Variants in GPC5 observed in about 807,000 individuals in gnomAD.
The protein encoded by GPC5 is glypican-5.
Under a neutral mutation model 53.9 loss-of-function variants are expected in GPC5, and 47 were observed. The ratio of observed to expected loss-of-function variants is 0.87; its 90% CI spans 0.69 to 1.11. The LOEUF (loss-of-function observed/expected upper bound fraction) is 1.11. Among genes scored for constraint, GPC5 ranks in the 50% most tolerant of loss-of-function variants. The pLI, the probability that GPC5 is intolerant of heterozygous loss-of-function variation, is 0.00. For synonymous variants in GPC5, 286 were observed against 263.3 expected, an observed-to-expected ratio of 1.09 and a Z score of -0.84; for missense variants, 748 against 713.1, an observed-to-expected ratio of 1.05 and a Z score of -0.56.
chr13:92,342,916 A>T (rs762184347), intron 7 of GPC5, among the ~76,000 whole-genome samples: 13 of 152,164 alleles, frequency 8.5e-5, no homozygotes, highest in Non-Finnish European at 1.6e-4. Flanking sequence ...ATACTTATGT[A>T]CAAATATCTC....
At chr13:92,564,219 C>T (rs1882794537) in intron 7 of GPC5, among the ~76,000 whole-genome samples, 2 of 151,954 alleles carry the variant, frequency 1.3e-5, no homozygotes, top group Admixed American at 6.6e-5. Context: ...GTAATAATTT[C>T]CATTTCTGCA....
Position 91,475,649 on chromosome 13 carries a change from G to A in GPC5, c.325+26727G>A, listed in dbSNP as rs1882883399. 2.0e-5 allele frequency among the ~76,000 whole-genome samples: 3 copies of A among 152,160 alleles called. No individual in the cohort carries two copies. The South Asian group carries it at 6.2e-4, about 32-fold the overall frequency. On this transcript the variant is annotated intron_variant, in intron 2 of 7. Coordinates refer to ENST00000377067, the MANE Select transcript of GPC5 (RefSeq NM_004466.6). ...TCCAGGGCCTGGCTGGTGGGGATGT[G>A]TGTAGAACTCTTCCTGGTGTATCCA...
chr13:91,913,717 G>A (rs927127477), intron 6 of GPC5, among the ~76,000 whole-genome samples: 2 of 152,120 alleles, frequency 1.3e-5, no homozygotes, highest in African/African-American at 4.8e-5. Context: ...CTGTGACTCT[G>A]ACATCTTTCT....
chr13:91,874,350 GT>G (rs2039179830), intron 5 of GPC5, among the ~76,000 whole-genome samples: 1 of 151,680 alleles, frequency 6.6e-6, no homozygotes, highest in East Asian at 1.9e-4. Flanking sequence ...TTTTAATCTT[GT>G]TTTTATCACC....
At chr13:92,611,422 T>C (rs1566318955) in intron 7 of GPC5, among the ~76,000 whole-genome samples, 1 of 152,164 alleles carries the variant, frequency 6.6e-6, no homozygotes, top group Non-Finnish European at 1.5e-5. Context: ...ATATCTTTAC[T>C]ATCACCATGT....
At chr13:91,557,011 G>A (rs559833528) in intron 2 of GPC5, among the ~76,000 whole-genome samples, 13 of 151,994 alleles carry the variant, frequency 8.6e-5, no homozygotes, top group African/African-American at 1.4e-4. Flanking sequence ...TGCTATGATC[G>A]TTTGTTTACA....
rs563752427 is a variant in GPC5, at chr13:92,368,319, C to CTA, written c.1561+223333_1561+223334dup. ...TTTACTATCACCAGTAAACTGGAGG[C>CTA]TATACTCCTAGCCTCAGAAATACAA... On this transcript the variant is annotated intron_variant, in intron 7 of 7. Coordinates refer to ENST00000377067, the MANE Select transcript of GPC5 (RefSeq NM_004466.6). Among the ~76,000 whole-genome samples the CTA allele has an allele frequency of 2.3e-3, 348 of 151,208 alleles. 2 individuals carry two copies. Among genetic ancestry groups the CTA allele is most frequent in the Middle Eastern group, 6.8e-3 (2 of 292 alleles).
At chr13:91,519,521 T>C (rs928123943) in intron 2 of GPC5, among the ~76,000 whole-genome samples, 7 of 152,274 alleles carry the variant, frequency 4.6e-5, no homozygotes, top group African/African-American at 1.4e-4. Flanking sequence ...ACTCCCCACT[T>C]CGCTCTCTGT....
At chr13:92,148,583 G>A (rs963290613) in intron 7 of GPC5, among the ~76,000 whole-genome samples, 1 of 152,022 alleles carries the variant, frequency 6.6e-6, no homozygotes. Flanking sequence ...ATCCCATTAG[G>A]AAAATTTGTC....
At chr13:92,452,952 G>A (rs1566596927) in intron 7 of GPC5, among the ~76,000 whole-genome samples, 1 of 152,152 alleles carries the variant, frequency 6.6e-6, no homozygotes, top group Non-Finnish European at 1.5e-5. Context: ...GGGACAGAAA[G>A]GGCTGGATTT....
At chr13:91,914,718 G>A (rs914192259) in intron 6 of GPC5, among the ~76,000 whole-genome samples, 7 of 71,424 alleles carry the variant, frequency 9.8e-5, no homozygotes, top group Non-Finnish European at 1.9e-4. Flanking sequence ...CTGAGAAAAG[G>A]TTCTAATTTA....
chr13:91,463,834 T>C (rs1468430751), intron 2 of GPC5, among the ~76,000 whole-genome samples: 1 of 152,062 alleles, frequency 6.6e-6, no homozygotes, highest in East Asian at 1.9e-4. Flanking sequence ...TTGAAGAATC[T>C]TAGGGACCTA....
intron 7 of GPC5, among the ~76,000 whole-genome samples, chr13:92,304,930 G>A (rs1045988291): frequency 2.0e-5 from 3 of 152,122 alleles, no homozygotes; most frequent in Non-Finnish European, 4.4e-5. Context: ...CCCCCTAAAA[G>A]TGATGTGAAG....
At chr13:91,428,122 C>A (rs1002982572) in intron 1 of GPC5, among the ~76,000 whole-genome samples, 1 of 152,114 alleles carries the variant, frequency 6.6e-6, no homozygotes, top group African/African-American at 2.4e-5. Context: ...ATTTGCTATC[C>A]TATTGTTGCA....
In GPC5 at chr13:92,544,467, AC is replaced by A. The variant is rs567794869; in HGVS notation, c.1562-321814del. 4.2e-3 allele frequency among the ~76,000 whole-genome samples: 633 copies of A among 152,282 alleles called. 7 individuals are homozygous for A. Among genetic ancestry groups the A allele is most frequent in the Admixed American group, 3.6e-3 (55 of 15,296 alleles). The stretch of plus-strand genomic sequence containing the variant: ...TAGACCTGGAGGAATTTTCTGTGTG[AC>A]AATTTTTTAAGAGACATTATTTGGG... On this transcript the variant is annotated intron_variant, in intron 7 of 7. Transcript: ENST00000377067.
chr13:91,663,089 T>C (rs2035023425), intron 2 of GPC5, among the ~76,000 whole-genome samples: 1 of 152,178 alleles, frequency 6.6e-6, no homozygotes, highest in Admixed American at 6.5e-5. Context: ...GATCTTCTAG[T>C]AGTGGAAGGC....
chr13:92,328,573 G>A (rs574828648), intron 7 of GPC5, among the ~76,000 whole-genome samples: 4 of 152,252 alleles, frequency 2.6e-5, no homozygotes, highest in African/African-American at 7.2e-5. Flanking sequence ...GTTCATTGTC[G>A]AAATGACACA....
At chr13:92,083,514 G>A (rs2041312776) in intron 6 of GPC5, among the ~76,000 whole-genome samples, 1 of 152,178 alleles carries the variant, frequency 6.6e-6, no homozygotes, top group Non-Finnish European at 1.5e-5. Flanking sequence ...TGTGCATCAT[G>A]TATACATATG....
At chr13:92,061,192 T>G (rs1168130444) in intron 6 of GPC5, among the ~76,000 whole-genome samples, 1 of 152,012 alleles carries the variant, frequency 6.6e-6, no homozygotes, top group East Asian at 1.9e-4. Context: ...AAATCACAAT[T>G]ACATAAACCA....
Sources: gnomAD v4.1 joint callset for allele counts (sites outside exome capture counted in the v4.1 genomes callset) on GRCh38, gnomAD v4.1.1 for gene constraint, MANE v1.5 for transcripts, NCBI Gene and HGNC (gene_info 2026-07-23, HGNC 2026-07-21) for gene names.